The following GALC variants were observed in gnomAD, a reference collection of about 807,000 sequenced individuals.
The protein encoded by GALC is galactosylceramidase, also known as galactocerebrosidase.
GALC carries 77 observed loss-of-function variants against 91.8 expected under a neutral mutation model. The observed-to-expected ratio is 0.84, with a 90% CI of 0.70 to 1.01. The LOEUF is 1.01. GALC is among the 50% of genes least tolerant of loss of function. The probability of loss-of-function intolerance (pLI) is 0.00; values close to 1 mark genes in which losing one functional copy is unlikely to be tolerated. For missense variants in GALC, 882 were observed against 855.9 expected (o/e 1.03, Z -0.38); for synonymous variants, 357 against 306.7 (o/e 1.16, Z -1.71).
At chr14:87,960,628 T>TA (rs1244922295) in intron 10 of GALC, among the ~76,000 whole-genome samples, 1 of 152,156 alleles carries the variant, frequency 6.6e-6, no homozygotes, top group African/African-American at 2.4e-5. Context: ...TCAGGACAGA[T>TA]ATATAAGTCA....
chr14:87,956,599 C>CACACCATATATATAT (rs1566982347), intron 10 of GALC, among the ~76,000 whole-genome samples: 32 of 116,778 alleles, frequency 2.7e-4, no homozygotes, highest in African/African-American at 9.8e-4. Context: ...TATATACACA[C>CACACCATATATATAT]ACACACACAC....
At chr14:87,985,623 T>C (rs906870376) in intron 4 of GALC, among the ~76,000 whole-genome samples, 4 of 152,256 alleles carry the variant, frequency 2.6e-5, no homozygotes, top group Non-Finnish European at 5.9e-5. Context: ...TAGAAAATAT[T>C]ACTTTTCATT....
intron 1 of GALC, chr14:87,992,456 T>C: frequency 6.5e-7 from 1 of 1,534,586 alleles, no homozygotes; most frequent in South Asian, 1.2e-5. Context: ...GAGGAGCCCA[T>C]TCTTACCCTG....
intron 8 of GALC, among the ~76,000 whole-genome samples, chr14:87,966,168 C>A (rs76021872): frequency 1.9e-3 from 288 of 152,188 alleles, no homozygotes; most frequent in African/African-American, 6.8e-3. Context: ...ATCTCTCTCA[C>A]GTGAGTTTGT....
intron 10 of GALC, chr14:87,954,289 GA>G: frequency 6.4e-7 from 1 of 1,556,762 alleles, no homozygotes; most frequent in Non-Finnish European, 8.9e-7. Flanking sequence ...ACAATACTAA[GA>G]GTTGTTGATT....
At chr14:87,977,453 C>A (rs1487301776) in intron 6 of GALC, among the ~76,000 whole-genome samples, 1 of 152,058 alleles carries the variant, frequency 6.6e-6, no homozygotes, top group Non-Finnish European at 1.5e-5. Flanking sequence ...ACTAACAGGG[C>A]ATACTAGAAA....
chr14:87,984,827 G>A (rs1886902487), intron 4 of GALC, among the ~76,000 whole-genome samples: 1 of 152,012 alleles, frequency 6.6e-6, no homozygotes, highest in Admixed American at 6.5e-5. Context: ...CCAATAGAAA[G>A]AAATGTACCA....
Position 87,968,439 on chromosome 14 carries a change from C to T in GALC, c.804G>A (p.Lys268=), listed in dbSNP as rs754144462. ...HSAKDAKLTG[K]KLWSSEDFST... is the part of the protein sequence containing the mutation. ...TAAAGTCTTCAGAAGACCAAAGCTTCTTCCCAGTCAACTTTGCATCTTTTG... is the reference window on the plus strand; with the variant it reads ...TAAAGTCTTCAGAAGACCAAAGCTTTTTCCCAGTCAACTTTGCATCTTTTG... The change falls in exon 8 of 17, where the codon AAG becomes AAA. Residue 268 remains lysine, a synonymous_variant. Transcript: ENST00000261304. 27 of 1,613,646 alleles carry T rather than the reference C, an allele frequency of 1.7e-5. No homozygotes were observed. Among genetic ancestry groups the T allele is most frequent in the Middle Eastern group, 1.6e-4 (1 of 6,082 alleles).
intron 7 of GALC, among the ~76,000 whole-genome samples, chr14:87,972,743 A>G (rs1197499488): frequency 6.7e-6 from 1 of 149,888 alleles, no homozygotes; most frequent in Admixed American, 6.7e-5. Context: ...AGGATAAAAT[A>G]ATAGAAAACA....
intron 6 of GALC, chr14:87,980,566 A>C: frequency 2.5e-6 from 2 of 815,010 alleles, no homozygotes; most frequent in Non-Finnish European, 3.0e-6. Context: ...GAGAGTTCCT[A>C]TCCATCCGTT....
chr14:87,953,234 C>T (rs1322726602), intron 10 of GALC: 4 of 1,504,376 alleles, frequency 2.7e-6, no homozygotes, highest in Non-Finnish European at 3.7e-6. Context: ...ATAATTACCT[C>T]CAGCCAGGTT....
intron 10 of GALC, among the ~76,000 whole-genome samples, chr14:87,951,579 A>T (rs1885310932): frequency 6.6e-6 from 1 of 151,876 alleles, no homozygotes; most frequent in Admixed American, 6.6e-5. Context: ...AAACTACACC[A>T]TACTCTGATC....
chr14:87,952,838 G>A (rs576489516), intron 10 of GALC: 15 of 1,286,608 alleles, frequency 1.2e-5, no homozygotes, highest in African/African-American at 7.3e-5. Flanking sequence ...GTGAGGTAAC[G>A]AGCTCTAATA....
intron 7 of GALC, among the ~76,000 whole-genome samples, chr14:87,968,744 T>C (rs556502917): frequency 1.3e-5 from 2 of 151,924 alleles, no homozygotes; most frequent in East Asian, 3.9e-4. Flanking sequence ...GGAAGGAAAA[T>C]CATCAATAGA....
In GALC at chr14:87,934,026, A is replaced by G. The variant is rs1681908219; in HGVS notation, c.*706T>C. On this transcript the variant is annotated 3_prime_UTR_variant, in exon 17 of 17. Transcript: ENST00000261304. ...TGGAAAAACGTTCACAGAGAGTTAT[A>G]GTGGTTACAAGACCAAAACTTGGAA... The G allele has an allele frequency of 6.5e-7, 1 of 1,534,042 alleles. No individual in the cohort carries two copies. The highest frequency in any genetic ancestry group is 8.7e-7 in the Non-Finnish European group (1 of 1,145,686).
At chr14:87,945,499 G>T (rs552041340) in intron 14 of GALC, 54 bp downstream of exon 14, 5 of 1,286,296 alleles carry the variant, frequency 3.9e-6, no homozygotes, top group Middle Eastern at 1.9e-4. Context: ...AAATGTACCT[G>T]ACAATATTAC....
upstream of GALC, chr14:87,993,579 T>G: frequency 9.1e-7 from 1 of 1,104,832 alleles, no homozygotes; most frequent in East Asian, 2.6e-5. Context: ...TGGAATCACT[T>G]TGCTTTTGGA....
intron 7 of GALC, among the ~76,000 whole-genome samples, chr14:87,975,981 A>T (rs147194387): frequency 6.6e-6 from 1 of 152,242 alleles, no homozygotes; most frequent in Non-Finnish European, 1.5e-5. Context: ...AACCATTTAC[A>T]AAAGTGTTCA....
intron 7 of GALC, among the ~76,000 whole-genome samples, chr14:87,975,847 A>T (rs987851081): frequency 1.3e-5 from 2 of 151,946 alleles, no homozygotes; most frequent in Non-Finnish European, 2.9e-5. Flanking sequence ...TTCACTTTTT[A>T]AAAAAAATGA....
Sources: allele counts gnomAD v4.1 joint callset (sites outside exome capture counted in the v4.1 genomes callset), GRCh38; gene constraint gnomAD v4.1.1; transcripts MANE v1.5; gene names NCBI Gene and HGNC (gene_info 2026-07-23, HGNC 2026-07-21).